NXPH1: variants seen among roughly 807,000 people sequenced by gnomAD.
NXPH1 encodes neurexophilin-1.
NXPH1 carries 5 observed loss-of-function variants against 23.7 expected under a neutral mutation model. The observed-to-expected ratio is 0.21, with a 90% CI of 0.11 to 0.44. The LOEUF (loss-of-function observed/expected upper bound fraction) is 0.44. Among genes scored for constraint, NXPH1 ranks in the 20% least tolerant of loss-of-function variants. The pLI is 0.99. For synonymous variants in NXPH1, 144 were observed against 122.2 expected, an observed-to-expected ratio of 1.18 and a Z score of -1.18; for missense variants, 324 against 321.6, an observed-to-expected ratio of 1.01 and a Z score of -0.06.
At chr7:8,641,018 TTAAC>T (rs1820299624) in intron 2 of NXPH1, among the ~76,000 whole-genome samples, 1 of 152,168 alleles carries the variant, frequency 6.6e-6, no homozygotes, top group Non-Finnish European at 1.5e-5. Flanking sequence ...GAAGTTTCAA[TTAAC>T]TAAAAGTTTG....
chr7:8,486,537 C>G (rs1051828798), intron 2 of NXPH1, among the ~76,000 whole-genome samples: 1 of 152,172 alleles, frequency 6.6e-6, no homozygotes, highest in Non-Finnish European at 1.5e-5. Context: ...TGAACTCAGA[C>G]AAGTCATTTA....
intron 2 of NXPH1, among the ~76,000 whole-genome samples, chr7:8,649,623 C>G (rs1820458445): frequency 6.6e-6 from 1 of 152,156 alleles, no homozygotes; most frequent in African/African-American, 2.4e-5. Context: ...GGTTCCAAGT[C>G]TATTGCAAGT....
At position 8,679,276 on chromosome 7, in the gene NXPH1, C is replaced by T. The variant is rs567469378; in HGVS notation, c.55-71732C>T. Reference sequence around the variant, plus strand: ...TTATCCAATTCTTATTGGCCCCTAACATTTTAAGAAATAGTTCTGTAAAGA... The same window carrying T: ...TTATCCAATTCTTATTGGCCCCTAATATTTTAAGAAATAGTTCTGTAAAGA... On this transcript the variant is annotated intron_variant, in intron 2 of 2. Transcript: ENST00000405863. Among the ~76,000 whole-genome samples the T allele has an allele frequency of 1.6e-3, 247 of 152,180 alleles. 1 individual carries two copies. Among genetic ancestry groups the T allele is most frequent in the African/African-American group, 5.8e-3 (242 of 41,536 alleles).
chr7:8,530,467 C>A (rs996084987), intron 2 of NXPH1, among the ~76,000 whole-genome samples: 10 of 152,182 alleles, frequency 6.6e-5, no homozygotes, highest in Non-Finnish European at 1.5e-5. Context: ...GAAGTCTTCT[C>A]CTTCTTCTAG....
Position 8,710,639 on chromosome 7 carries a change from C to G in NXPH1, c.55-40369C>G, listed in dbSNP as rs1208897873. 1.9e-4 allele frequency among the ~76,000 whole-genome samples: 6 copies of G among 32,310 alleles called. 1 individual carries two copies. Among genetic ancestry groups the G allele is most frequent in the Admixed American group, 3.7e-4 (1 of 2,678 alleles). The allele number at this position is 32,310 out of a possible 152,430, so 21.2% of individuals were successfully genotyped here. The stretch of plus-strand genomic sequence containing the variant: ...GTTGAACAAAGCATGTCAACTGTTA[C>G]GTTTTTTGTTTTTTTTTTTTTTTTT... On this transcript the variant is annotated intron_variant, in intron 2 of 2. Transcript: ENST00000405863.
intron 2 of NXPH1, among the ~76,000 whole-genome samples, chr7:8,635,905 C>T (rs546959070): frequency 6.6e-6 from 1 of 151,952 alleles, no homozygotes; most frequent in Non-Finnish European, 1.5e-5. Context: ...ATTGTACCTC[C>T]TATTTATAGA....
In NXPH1 at chr7:8,435,905, C is replaced by A; in HGVS notation, c.54+138C>A. ...AGCAGCTGTGTTGGAGCAACTTTGG[C>A]AAGCTGGTCTCTGGATTCCTGCGGA... On this transcript the variant is annotated intron_variant, in intron 2 of 2. Transcript: ENST00000405863. The surrounding 1 kb of genome is among the most constrained non-coding windows in gnomAD (Gnocchi z 5.9). 1 of 821,886 alleles carries A rather than the reference C, an allele frequency of 1.2e-6. No individual in the cohort carries two copies. The highest frequency in any genetic ancestry group is 2.1e-6 in the Non-Finnish European group (1 of 475,042). The allele number at this position is 821,886 out of a possible 1,614,324, so 50.9% of individuals were successfully genotyped here. A position where few individuals can be genotyped will look rare whatever the true frequency, so the allele number is the denominator to read the frequency against.
intron 2 of NXPH1, among the ~76,000 whole-genome samples, chr7:8,657,890 T>C (rs1486402471): frequency 1.3e-5 from 2 of 152,136 alleles, no homozygotes; most frequent in Non-Finnish European, 2.9e-5. Flanking sequence ...TAGCTGGGTG[T>C]GTTAGCACGC....
chr7:8,658,706 T>G (rs1291622884), intron 2 of NXPH1, among the ~76,000 whole-genome samples: 2 of 152,230 alleles, frequency 1.3e-5, no homozygotes, highest in Non-Finnish European at 2.9e-5. Context: ...CTATGTGTAT[T>G]ATTTTATAGT....
At chr7:8,725,898 C>T (rs1225247740) in intron 2 of NXPH1, among the ~76,000 whole-genome samples, 2 of 152,074 alleles carry the variant, frequency 1.3e-5, no homozygotes, top group African/African-American at 4.8e-5. Context: ...CAGAAAAAGA[C>T]ACTAGAAGGG....
chr7:8,550,240 C>G (rs1036879419), intron 2 of NXPH1, among the ~76,000 whole-genome samples: 2 of 151,574 alleles, frequency 1.3e-5, no homozygotes, highest in South Asian at 2.1e-4. Flanking sequence ...ATAGAGATGA[C>G]TTGGACACAA....
intron 2 of NXPH1, among the ~76,000 whole-genome samples, chr7:8,468,299 G>A (rs1372425371): frequency 6.6e-6 from 1 of 151,994 alleles, no homozygotes; most frequent in East Asian, 1.9e-4. Context: ...TTCCTAAAAT[G>A]GTTACATAGG....
chr7:8,574,649 T>A (rs1026449377), intron 2 of NXPH1, among the ~76,000 whole-genome samples: 1 of 152,164 alleles, frequency 6.6e-6, no homozygotes, highest in Non-Finnish European at 1.5e-5. Context: ...GGTGGGACAA[T>A]GAAAGCTTCC....
At chr7:8,732,007 G>A (rs1028416906) in intron 2 of NXPH1, among the ~76,000 whole-genome samples, 1 of 152,244 alleles carries the variant, frequency 6.6e-6, no homozygotes, top group Non-Finnish European at 1.5e-5. Flanking sequence ...CGCGGGCATA[G>A]GACCCTCCGA....
intron 2 of NXPH1, among the ~76,000 whole-genome samples, chr7:8,456,000 A>T (rs997528586): frequency 5.9e-5 from 9 of 152,182 alleles, no homozygotes; most frequent in African/African-American, 2.2e-4. Context: ...AATTTTCTAG[A>T]TGGAGCCTCT....
At chr7:8,633,525 C>G (rs148260681) in intron 2 of NXPH1, among the ~76,000 whole-genome samples, 1 of 152,122 alleles carries the variant, frequency 6.6e-6, no homozygotes, top group South Asian at 2.1e-4. Context: ...GCGTGACAAC[C>G]GAATTTCTCA....
intron 2 of NXPH1, among the ~76,000 whole-genome samples, chr7:8,639,473 AG>A (rs1452947585): frequency 3.3e-5 from 5 of 151,882 alleles, no homozygotes; most frequent in African/African-American, 1.2e-4. Context: ...GAAAAAAAAA[AG>A]GCTGTTTCTC....
intron 2 of NXPH1, among the ~76,000 whole-genome samples, chr7:8,492,640 A>T (rs1344123794): frequency 6.6e-6 from 1 of 152,032 alleles, no homozygotes. Flanking sequence ...TATGTTATAC[A>T]CATGGAAGAT....
chr7:8,701,452 A>G (rs913014648), intron 2 of NXPH1, among the ~76,000 whole-genome samples: 1 of 152,010 alleles, frequency 6.6e-6, no homozygotes, highest in African/African-American at 2.4e-5. Flanking sequence ...CCTACAAGAC[A>G]GTACTTCTTA....
Sources: gnomAD v4.1 joint callset for allele counts (sites outside exome capture counted in the v4.1 genomes callset) on GRCh38, gnomAD v4.1.1 for gene constraint, Gnocchi (gnomAD v3.1) non-coding constraint, MANE v1.5 for transcripts, NCBI Gene and HGNC (gene_info 2026-07-23, HGNC 2026-07-21) for gene names.